PTPRO: variants seen among roughly 807,000 people sequenced by gnomAD.
PTPRO encodes protein tyrosine phosphatase receptor type O, also known as receptor-type tyrosine-protein phosphatase O.
In PTPRO, 62 loss-of-function variants were observed where a neutral mutation model predicts 145.2. That is an observed-to-expected ratio of 0.43 (90% CI 0.35 to 0.53). The LOEUF is 0.53. Among genes scored for constraint, PTPRO ranks in the 20% least tolerant of loss-of-function variants. PTPRO has a pLI of 0.01. For synonymous variants in PTPRO, 565 were observed against 514.7 expected (o/e 1.10, Z -1.32); for missense variants, 1,345 against 1,482.7 (o/e 0.91, Z 1.53).
At chr12:15,447,632 T>G (rs1365247875) in intron 1 of PTPRO, among the ~76,000 whole-genome samples, 1 of 152,186 alleles carries the variant, frequency 6.6e-6, no homozygotes, top group African/African-American at 2.4e-5. Flanking sequence ...GCATGATGGA[T>G]GCATTCAAAC....
rs74070738 is a variant in PTPRO at position 15,486,430 on chromosome 12, G to A, written c.349+2183G>A. On this transcript the variant is annotated intron_variant, in intron 2 of 26. Coordinates refer to ENST00000281171, the MANE Select transcript of PTPRO (RefSeq NM_030667.3). The stretch of plus-strand genomic sequence containing the variant: ...GCTTTCAGCCTACTTCTGTCTTTAC[G>A]TGTAAAAGGGTTTCCTGCAGACAGC... Among the ~76,000 whole-genome samples the A allele has an allele frequency of 2.6e-3, 388 of 152,008 alleles. 3 individuals are homozygous for A. The highest frequency in any genetic ancestry group is 8.9e-3 in the African/African-American group (369 of 41,472).
At chr12:15,439,930 C>G in intron 1 of PTPRO, 1 of 675,026 alleles carries the variant, frequency 1.5e-6, no homozygotes, top group Middle Eastern at 3.6e-4. Context: ...ACAATGGCCA[C>G]ATCGGTCTGG....
chr12:15,463,481 T>G (rs1025854362), intron 1 of PTPRO, among the ~76,000 whole-genome samples: 1 of 152,146 alleles, frequency 6.6e-6, no homozygotes, highest in Non-Finnish European at 1.5e-5. Context: ...GAAGAAAAAA[T>G]GAAGATGGAT....
intron 1 of PTPRO, among the ~76,000 whole-genome samples, chr12:15,406,873 C>G (rs1036246453): frequency 6.6e-6 from 1 of 152,086 alleles, no homozygotes; most frequent in African/African-American, 2.4e-5. Context: ...TGGGTCAATA[C>G]GAAGTGAAAC....
intron 1 of PTPRO, among the ~76,000 whole-genome samples, chr12:15,482,307 G>T (rs890439428): frequency 2.0e-5 from 3 of 151,926 alleles, no homozygotes; most frequent in Admixed American, 6.6e-5. Flanking sequence ...TAAATACCAC[G>T]TTTTTACTCA....
At position 15,322,638 on chromosome 12, in the gene PTPRO, T is replaced by C. The variant is rs1306500029; in HGVS notation, c.-89T>C. 6.9e-6 allele frequency: 8 copies of C among 1,158,692 alleles called. No homozygotes were observed. Among genetic ancestry groups the C allele is most frequent in the Non-Finnish European group, 8.9e-6 (7 of 789,598 alleles). 71.8% of individuals were successfully genotyped at this position (1,158,692 alleles called of 1,614,324 possible). A position where few individuals can be genotyped will look rare whatever the true frequency, so the allele number is the denominator to read the frequency against. ...AGGAGCAACCTCGGCGCCCAGGGTC[T>C]GAGGCTGCAGCCCCAGTTCGCCATT... On this transcript the variant is annotated 5_prime_UTR_variant, in exon 1 of 27. It removes the in-frame stop codon of an upstream open reading frame in the 5' UTR. Coordinates refer to ENST00000281171, the MANE Select transcript of PTPRO (RefSeq NM_030667.3). The surrounding 1 kb of genome is among the most constrained non-coding windows in gnomAD (Gnocchi z 6.3).
At chr12:15,500,083 G>C (rs61908056) in intron 4 of PTPRO, among the ~76,000 whole-genome samples, 3 of 150,048 alleles carry the variant, frequency 2.0e-5, no homozygotes, top group African/African-American at 7.4e-5. Flanking sequence ...AGATGGATGG[G>C]TGGATGGATG....
intron 1 of PTPRO, among the ~76,000 whole-genome samples, chr12:15,445,570 C>A (rs1321650259): frequency 6.6e-6 from 1 of 152,080 alleles, no homozygotes; most frequent in East Asian, 1.9e-4. Flanking sequence ...TTTCATGTGG[C>A]CTAACCTAAT....
intron 12 of PTPRO, among the ~76,000 whole-genome samples, chr12:15,527,875 A>ACCCCCCCCCCCCCCCCCCCCCC (rs1555173370): frequency 7.3e-6 from 1 of 137,646 alleles, no homozygotes; most frequent in Non-Finnish European, 1.6e-5. Flanking sequence ...GGGAACTGTG[A>ACCCCCCCCCCCCCCCCCCCCCC]CCCGCCCACG....
At chr12:15,510,173 A>G (rs933448602) in intron 7 of PTPRO, among the ~76,000 whole-genome samples, 3 of 152,212 alleles carry the variant, frequency 2.0e-5, no homozygotes, top group Non-Finnish European at 4.4e-5. Flanking sequence ...ATGAAATTCA[A>G]ACAATGATAA....
rs767019097 is a variant in PTPRO at position 15,581,696 on chromosome 12, C to T, written c.3150C>T (p.Tyr1050=). The change falls in exon 23 of 27, where the codon TAC becomes TAT. Residue 1050 remains tyrosine (Y), a synonymous_variant. Coordinates refer to ENST00000281171, the MANE Select transcript of PTPRO (RefSeq NM_030667.3). The part of the protein sequence containing the change: ...NEKRRVKCDH[Y]WPFTEEPIAY... ...TGCTCCAGGTGAAATGTGACCATTA[C>T]TGGCCATTCACGGAAGAACCTATAG... 6.2e-6 allele frequency: 10 copies of T among 1,613,846 alleles called. No individual in the cohort carries two copies. In the East Asian group the frequency reaches 2.2e-4, roughly 36 times the overall value.
intron 1 of PTPRO, among the ~76,000 whole-genome samples, chr12:15,406,453 T>A (rs1169351169): frequency 6.6e-6 from 1 of 152,206 alleles, no homozygotes; most frequent in Non-Finnish European, 1.5e-5. Context: ...CTTACAGTCT[T>A]ACATACAATA....
intron 12 of PTPRO, among the ~76,000 whole-genome samples, chr12:15,532,397 T>C (rs1942980471): frequency 6.6e-6 from 1 of 152,172 alleles, no homozygotes; most frequent in Non-Finnish European, 1.5e-5. Context: ...TGGTGGATTT[T>C]CTCTGGTATG....
chr12:15,440,178 T>C (rs1440035379), intron 1 of PTPRO: 2 of 690,152 alleles, frequency 2.9e-6, no homozygotes, highest in African/African-American at 1.8e-5. Context: ...ATGGCTGGTA[T>C]CAATGACTGC....
chr12:15,482,157 G>T (rs1391286491), intron 1 of PTPRO, among the ~76,000 whole-genome samples: 2 of 150,214 alleles, frequency 1.3e-5, no homozygotes, highest in Non-Finnish European at 3.0e-5. Flanking sequence ...GTGTGTGTGT[G>T]TGTGTGTGTG....
intron 1 of PTPRO, among the ~76,000 whole-genome samples, chr12:15,377,307 A>C (rs528089519): frequency 2.0e-5 from 3 of 152,216 alleles, no homozygotes; most frequent in Admixed American, 2.0e-4. Flanking sequence ...AAAACTGTAG[A>C]GAAGAGCTAC....
intron 1 of PTPRO, among the ~76,000 whole-genome samples, chr12:15,415,586 CAT>C (rs1939943957): frequency 1.4e-5 from 2 of 145,560 alleles, no homozygotes; most frequent in Admixed American, 6.8e-5. Context: ...GGGTTTCACT[CAT>C]GTTAGCCAGG....
At chr12:15,457,674 A>G (rs1048181994) in intron 1 of PTPRO, among the ~76,000 whole-genome samples, 8 of 152,314 alleles carry the variant, frequency 5.3e-5, no homozygotes, top group African/African-American at 1.9e-4. Flanking sequence ...AAAGGTTTAC[A>G]TAACACAACT....
intron 1 of PTPRO, among the ~76,000 whole-genome samples, chr12:15,387,966 C>G (rs1391862662): frequency 1.3e-5 from 2 of 152,110 alleles, no homozygotes; most frequent in African/African-American, 2.4e-5. Flanking sequence ...AATTATTCTT[C>G]TGATCTCATG....
Sources: gnomAD v4.1 joint callset for allele counts (sites outside exome capture counted in the v4.1 genomes callset) on GRCh38, gnomAD v4.1.1 for gene constraint, Gnocchi (gnomAD v3.1) non-coding constraint, MANE v1.5 for transcripts, NCBI Gene and HGNC (gene_info 2026-07-23, HGNC 2026-07-21) for gene names.